The following GLIS3 variants were observed in gnomAD, a reference collection of about 807,000 sequenced individuals.
GLIS3 encodes zinc finger protein GLIS3.
In GLIS3, 53 loss-of-function variants were observed where a neutral mutation model predicts 78.6. The observed-to-expected ratio is 0.67, with a 90% CI of 0.54 to 0.85. The LOEUF is 0.85. Ranked by LOEUF, GLIS3 falls within the 40% of genes least tolerant of loss-of-function variation. The probability of loss-of-function intolerance (pLI) is 0.00; values close to 1 mark genes in which losing one functional copy is unlikely to be tolerated. For synonymous variants in GLIS3, 684 were observed against 509.9 expected (o/e 1.34, Z -4.60); for missense variants, 1,703 against 1,231.1 (o/e 1.38, Z -5.74).
At chr9:4,028,410 T>C (rs1180640524) in intron 4 of GLIS3, among the ~76,000 whole-genome samples, 1 of 152,160 alleles carries the variant, frequency 6.6e-6, no homozygotes, top group Non-Finnish European at 1.5e-5. Context: ...TTTTCTCAAA[T>C]CACGCAGCCT....
chr9:4,099,290 G>A (rs146676645), intron 4 of GLIS3, among the ~76,000 whole-genome samples: 32 of 152,288 alleles, frequency 2.1e-4, no homozygotes, highest in African/African-American at 7.0e-4. Context: ...AAATCAAGGT[G>A]TGGGTCTGAG....
chr9:4,223,462 C>G (rs1373346438), intron 2 of GLIS3, among the ~76,000 whole-genome samples: 3 of 152,224 alleles, frequency 2.0e-5, no homozygotes, highest in African/African-American at 7.2e-5. Flanking sequence ...AGCCAAGTTT[C>G]TCTAATATTT....
chr9:4,322,025 C>A (rs1276397111), intron 2 of GLIS3, among the ~76,000 whole-genome samples: 1 of 152,086 alleles, frequency 6.6e-6, no homozygotes, highest in Non-Finnish European at 1.5e-5. Flanking sequence ...CTATCCCTCC[C>A]CCATCCCCCG....
At chr9:4,211,806 A>G (rs1185820701) in intron 2 of GLIS3, among the ~76,000 whole-genome samples, 5 of 152,242 alleles carry the variant, frequency 3.3e-5, no homozygotes, top group African/African-American at 1.2e-4. Context: ...GTAAAATGTA[A>G]TATACTCATT....
At chr9:4,303,792 T>A (rs1817155045), upstream of GLIS3, among the ~76,000 whole-genome samples, 2 of 152,220 alleles carry the variant, frequency 1.3e-5, no homozygotes, top group South Asian at 4.1e-4. Flanking sequence ...GATGATGTAT[T>A]CCTTGACATA....
chr9:3,917,581 A>G (rs1588221539), intron 6 of GLIS3, among the ~76,000 whole-genome samples: 1 of 152,004 alleles, frequency 6.6e-6, no homozygotes, highest in South Asian at 2.1e-4. Context: ...AGTGACTTCT[A>G]AAACACTACT....
At chr9:4,418,985 C>G in the GLIS3 span, among the ~76,000 whole-genome samples, 3 of 152,094 alleles carry the variant, frequency 2.0e-5, no homozygotes, top group African/African-American at 7.2e-5. Context: ...TGGTGGAAAC[C>G]GAATTGCTGA....
intron 4 of GLIS3, among the ~76,000 whole-genome samples, chr9:4,104,806 C>T (rs1277829553): frequency 6.6e-6 from 1 of 152,194 alleles, no homozygotes; most frequent in East Asian, 1.9e-4. Context: ...ATTATCTTCC[C>T]CCTCCAGAGT....
intron 2 of GLIS3, among the ~76,000 whole-genome samples, chr9:4,240,934 C>T (rs531869540): frequency 1.5e-5 from 2 of 129,374 alleles, no homozygotes; most frequent in East Asian, 2.3e-4. Context: ...ACTTTAGATA[C>T]TCTTAAGAAA....
At chr9:4,121,697 G>T (rs1459073121) in intron 3 of GLIS3, among the ~76,000 whole-genome samples, 1 of 151,792 alleles carries the variant, frequency 6.6e-6, no homozygotes, top group African/African-American at 2.4e-5. Context: ...GTGAAGCTGT[G>T]CTTGATAGGC....
intron 4 of GLIS3, among the ~76,000 whole-genome samples, chr9:3,959,883 G>A (rs1277727017): frequency 6.6e-6 from 1 of 152,218 alleles, no homozygotes; most frequent in African/African-American, 2.4e-5. Context: ...CGGGAGCCTT[G>A]GCTCAAGCCT....
intron 4 of GLIS3, among the ~76,000 whole-genome samples, chr9:3,938,350 A>T (rs1336824610): frequency 6.6e-6 from 1 of 152,218 alleles, no homozygotes; most frequent in Non-Finnish European, 1.5e-5. Context: ...TAAGTTCCAG[A>T]TGGTTCCCAT....
At chr9:4,265,806 G>C (rs1825945271) in intron 2 of GLIS3, among the ~76,000 whole-genome samples, 1 of 151,998 alleles carries the variant, frequency 6.6e-6, no homozygotes, top group South Asian at 2.1e-4. Flanking sequence ...CTCTAAAGAT[G>C]ATAAATTTAA....
intron 6 of GLIS3, among the ~76,000 whole-genome samples, chr9:3,929,206 T>G (rs1825453642): frequency 6.6e-6 from 1 of 152,210 alleles, no homozygotes; most frequent in Admixed American, 6.5e-5. Flanking sequence ...ACTCGAGATC[T>G]GCAAAGCACA....
intron 4 of GLIS3, among the ~76,000 whole-genome samples, chr9:4,046,885 A>G (rs961540622): frequency 2.0e-5 from 3 of 152,194 alleles, no homozygotes; most frequent in Non-Finnish European, 4.4e-5. Context: ...AGAGGACACA[A>G]TTAGGGATGA....
chr9:3,994,190 T>G (rs1244224559), intron 4 of GLIS3, among the ~76,000 whole-genome samples: 7 of 152,188 alleles, frequency 4.6e-5, no homozygotes, highest in Admixed American at 4.6e-4. Context: ...AATCTGCCTT[T>G]TAAAAAAGCA....
intron 2 of GLIS3, among the ~76,000 whole-genome samples, chr9:4,256,241 C>G (rs1046455320): frequency 2.0e-5 from 3 of 151,932 alleles, no homozygotes; most frequent in Admixed American, 2.0e-4. Context: ...TGGGGGAACA[C>G]TGTGCAAAAA....
At chr9:3,904,379 G>A (rs1417616575) in intron 6 of GLIS3, among the ~76,000 whole-genome samples, 1 of 152,188 alleles carries the variant, frequency 6.6e-6, no homozygotes, top group African/African-American at 2.4e-5. Context: ...ATCAGTTCTT[G>A]CCCAAGAGTT....
At chr9:4,234,664 A>G (rs1267754543) in intron 2 of GLIS3, among the ~76,000 whole-genome samples, 1 of 152,238 alleles carries the variant, frequency 6.6e-6, no homozygotes, top group Non-Finnish European at 1.5e-5. Context: ...TTTGGAAAAA[A>G]TAGTGCCAAT....
Sources: gnomAD v4.1 joint callset for allele counts (sites outside exome capture counted in the v4.1 genomes callset) on GRCh38, gnomAD v4.1.1 for gene constraint, MANE v1.5 for transcripts, NCBI Gene and HGNC (gene_info 2026-07-23, HGNC 2026-07-21) for gene names.